Variants in GOLIM4 observed in about 807,000 individuals in gnomAD.
The protein encoded by GOLIM4 is 130 kDa golgi-localized phosphoprotein.
In GOLIM4, 71 loss-of-function variants were observed where a neutral mutation model predicts 107.4. That is an observed-to-expected ratio of 0.66 (90% CI 0.55 to 0.81). GOLIM4 has a LOEUF of 0.81. Ranked by LOEUF, GOLIM4 falls within the 30% of genes least tolerant of loss-of-function variation. The pLI is 0.00. For synonymous variants in GOLIM4, 327 were observed against 294.8 expected, an observed-to-expected ratio of 1.11 and a Z score of -1.12; for missense variants, 830 against 826.1, an observed-to-expected ratio of 1.00 and a Z score of -0.06.
chr3:168,095,113 G>C lies in GOLIM4; in HGVS notation c.173C>G (p.Ser58Cys), dbSNP rs2108301909. The stretch of plus-strand genomic sequence containing the variant: ...GTTAGCCGTACCTTGTAACTGGGCG[G>C]AGAGGGACTCCTGGTGCTGCTGGTA... ...LKYQQHQESL[S>C]AQLQVVYEHR... The change falls in exon 1 of 16, where the codon TCC becomes TGC. Residue 58 changes from serine to cysteine, a missense_variant. Transcript: ENST00000470487. 6.2e-7 allele frequency: 1 copy of C among 1,602,642 alleles called. No homozygotes were observed. Among genetic ancestry groups the C allele is most frequent in the Middle Eastern group, 1.7e-4 (1 of 5,982 alleles).
intron 1 of GOLIM4, among the ~76,000 whole-genome samples, chr3:168,084,640 AAC>A (rs1411984312): frequency 6.6e-6 from 1 of 152,196 alleles, no homozygotes; most frequent in African/African-American, 2.4e-5. Flanking sequence ...ATTGTTCTAC[AAC>A]AGTTAAGTTT....
intron 14 of GOLIM4, among the ~76,000 whole-genome samples, chr3:168,014,986 G>C (rs1433351947): frequency 6.6e-6 from 1 of 150,406 alleles, no homozygotes; most frequent in Non-Finnish European, 1.5e-5. Context: ...GCACAAGACA[G>C]GGATGCCCTC....
intron 1 of GOLIM4, among the ~76,000 whole-genome samples, chr3:168,073,099 C>T (rs1330871757): frequency 6.6e-6 from 1 of 152,172 alleles, no homozygotes; most frequent in Admixed American, 6.5e-5. Flanking sequence ...TATTCCAGGA[C>T]AAAATAATAA....
chr3:168,029,314 A>T lies in GOLIM4; in HGVS notation c.1434-12T>A. The T allele has an allele frequency of 6.4e-7, 1 of 1,571,406 alleles. No homozygotes were observed. Among genetic ancestry groups the T allele is most frequent in the Non-Finnish European group, 8.7e-7 (1 of 1,145,264 alleles). On this transcript the variant is annotated splice_polypyrimidine_tract_variant and intron_variant, in intron 10 of 15. Transcript: ENST00000470487. ...AATGAGCTTGCTGCCTACAAGAGAC[A>T]CAAACATGATAAATCCAGTGGGACA...
Position 168,045,175 on chromosome 3 carries a change from T to C in GOLIM4, c.313-294A>G, listed in dbSNP as rs191807604. On this transcript the variant is annotated intron_variant, in intron 3 of 15. Transcript: ENST00000470487. ...CTTCCACTTTCATATTCAGAAGAAC[T>C]GGAGCCCAGACATACGAACTTGTCC... 3.9e-5 allele frequency among the ~76,000 whole-genome samples: 6 copies of C among 152,256 alleles called. No homozygotes were observed. The East Asian group carries it at 9.7e-4, about 25-fold the overall frequency.
At chr3:168,040,483 G>C (rs903804850) in intron 7 of GOLIM4, among the ~76,000 whole-genome samples, 6 of 152,276 alleles carry the variant, frequency 3.9e-5, no homozygotes, top group African/African-American at 9.6e-5. Context: ...AGATCAGATA[G>C]TTGCAAAAGA....
At chr3:168,016,844 A>G (rs1476284193) in intron 14 of GOLIM4, among the ~76,000 whole-genome samples, 5 of 141,208 alleles carry the variant, frequency 3.5e-5, no homozygotes, top group Non-Finnish European at 7.4e-5. Context: ...TTGAACAATG[A>G]GATCACATGG....
At chr3:168,050,987 A>G (rs1295665071) in intron 1 of GOLIM4, among the ~76,000 whole-genome samples, 1 of 152,086 alleles carries the variant, frequency 6.6e-6, no homozygotes, top group African/African-American at 2.4e-5. Flanking sequence ...AGGGGAAAAA[A>G]GCTGAATTTA....
At chr3:168,069,194 C>T (rs560958968) in intron 1 of GOLIM4, among the ~76,000 whole-genome samples, 3 of 152,306 alleles carry the variant, frequency 2.0e-5, no homozygotes, top group Non-Finnish European at 4.4e-5. Context: ...AATTAATATG[C>T]TGATTTTCTT....
chr3:168,036,781 G>T, intron 8 of GOLIM4, 55 bp downstream of exon 8: 1 of 1,414,072 alleles, frequency 7.1e-7, no homozygotes, highest in Non-Finnish European at 9.6e-7. Context: ...GTCCCCTCTT[G>T]GCAACTTGAC....
rs116181899 is a variant in GOLIM4, at chr3:168,010,840, A to G, written c.1861-17T>C. ...TTCCTGAACCTAAAACAAACCACAG[A>G]TATCATTTAAACACTTTTGTCTTTC... On this transcript the variant is annotated splice_polypyrimidine_tract_variant and intron_variant, in intron 14 of 15. Transcript: ENST00000470487. The G allele has an allele frequency of 2.8e-3, 4,358 of 1,548,322 alleles. 79 individuals are homozygous for G. The African/African-American group carries it at 0.05, about 18-fold the overall frequency.
intron 11 of GOLIM4, among the ~76,000 whole-genome samples, chr3:168,028,470 A>G (rs1403506819): frequency 1.3e-5 from 2 of 152,242 alleles, no homozygotes; most frequent in East Asian, 3.8e-4. Context: ...ATAGAAGAGG[A>G]AAGTTTAAGT....
chr3:168,051,314 C>T (rs903727061), intron 1 of GOLIM4, among the ~76,000 whole-genome samples: 3 of 152,130 alleles, frequency 2.0e-5, no homozygotes, highest in Non-Finnish European at 2.9e-5. Flanking sequence ...GCCCAAAGTA[C>T]CCATTTATCA....
At chr3:168,028,749 C>T (rs1718148417) in intron 11 of GOLIM4, among the ~76,000 whole-genome samples, 1 of 152,168 alleles carries the variant, frequency 6.6e-6, no homozygotes. Context: ...AGATACACAT[C>T]TAAGTGTTAG....
At chr3:168,082,023 A>C (rs1167920899) in intron 1 of GOLIM4, among the ~76,000 whole-genome samples, 1 of 152,140 alleles carries the variant, frequency 6.6e-6, no homozygotes. Context: ...AGTGGGACTA[A>C]GGGAGGTCAA....
Position 168,044,829 on chromosome 3 carries a change from T to G in GOLIM4, c.365A>C (p.Lys122Thr). 1 of 1,526,162 alleles carries G rather than the reference T, an allele frequency of 6.6e-7. No individual in the cohort carries two copies. The highest frequency in any genetic ancestry group is 9.0e-7 in the Non-Finnish European group (1 of 1,115,502). The allele number at this position is 1,526,162 out of a possible 1,614,324, so 94.5% of individuals were successfully genotyped here. A position where few individuals can be genotyped will look rare whatever the true frequency, so the allele number is the denominator to read the frequency against. The change falls in exon 4 of 16, where the codon AAA becomes ACA. Residue 122 changes from lysine (K) to threonine (T), a missense_variant and splice_region_variant. Physicochemically the swap from Lys to Thr is moderately conservative, Grantham distance 78 (BLOSUM62 -1). Coordinates refer to ENST00000470487, the MANE Select transcript of GOLIM4 (RefSeq NM_014498.5). ...SALNVQHQMLKSQHEELKKQH... is the reference protein window; with the variant it reads ...SALNVQHQMLTSQHEELKKQH... ...AAATAACAACTTTAGATTACTCACT[T>G]TCAACATCTGATGTTGGACATTCAG...
intron 3 of GOLIM4, 97 bp downstream of exon 3, chr3:168,046,853 A>G (rs1221486036): frequency 3.2e-6 from 2 of 628,108 alleles, no homozygotes; most frequent in Non-Finnish European, 5.2e-6. Context: ...AGGGATCAAA[A>G]AGTAAAAGAG....
At chr3:168,021,687 A>C (rs1021209193) in intron 14 of GOLIM4, among the ~76,000 whole-genome samples, 2 of 152,006 alleles carry the variant, frequency 1.3e-5, no homozygotes, top group Non-Finnish European at 1.5e-5. Context: ...CAAAAAACAA[A>C]AAAAAAAGAA....
intron 1 of GOLIM4, among the ~76,000 whole-genome samples, chr3:168,089,754 TGAA>T (rs1365076612): frequency 6.7e-6 from 1 of 150,302 alleles, no homozygotes. Flanking sequence ...GGTTCTGTGC[TGAA>T]GATGTTTCTC....
Sources: gnomAD v4.1 joint callset for allele counts (sites outside exome capture counted in the v4.1 genomes callset) on GRCh38, gnomAD v4.1.1 for gene constraint, MANE v1.5 for transcripts, NCBI Gene and HGNC (gene_info 2026-07-23, HGNC 2026-07-21) for gene names.